DACH1: variants seen among roughly 807,000 people sequenced by gnomAD.
The protein encoded by DACH1 is dachshund homolog 1.
A neutral mutation model predicts 54.2 loss-of-function variants in DACH1; 12 were observed. The ratio of observed to expected loss-of-function variants is 0.22; its 90% CI spans 0.14 to 0.36. DACH1 has a LOEUF of 0.36. Ranked by LOEUF, DACH1 falls within the 10% of genes least tolerant of loss-of-function variation. The probability of loss-of-function intolerance (pLI) is 1.00; values close to 1 mark genes in which losing one functional copy is unlikely to be tolerated. For synonymous variants in DACH1, 386 were observed against 366.2 expected (o/e 1.05, Z -0.62); for missense variants, 805 against 929.8 (o/e 0.87, Z 1.75).
intron 1 of DACH1, among the ~76,000 whole-genome samples, chr13:71,775,741 G>A (rs1219564159): frequency 1.3e-5 from 2 of 152,038 alleles, no homozygotes; most frequent in East Asian, 3.9e-4. Context: ...AAACAGAACT[G>A]AATTTAAATT....
chr13:71,500,737 T>C (rs1879843305), intron 6 of DACH1, among the ~76,000 whole-genome samples: 1 of 152,158 alleles, frequency 6.6e-6, no homozygotes, highest in African/African-American at 2.4e-5. Flanking sequence ...AATGATTCCA[T>C]GAATATGGCC....
At chr13:71,586,114 A>G (rs942102107) in intron 3 of DACH1, among the ~76,000 whole-genome samples, 5 of 152,118 alleles carry the variant, frequency 3.3e-5, no homozygotes, top group Non-Finnish European at 5.9e-5. Flanking sequence ...AACTATCTGT[A>G]TCATGTTTGG....
chr13:71,646,640 T>G (rs1222468638), intron 2 of DACH1, among the ~76,000 whole-genome samples: 2 of 152,208 alleles, frequency 1.3e-5, no homozygotes, highest in Non-Finnish European at 2.9e-5. Context: ...AACTTCAATT[T>G]GTTCAAAAAC....
intron 1 of DACH1, among the ~76,000 whole-genome samples, chr13:71,700,603 AGAG>A (rs1882084973): frequency 7.7e-6 from 1 of 129,726 alleles, no homozygotes; most frequent in Non-Finnish European, 1.7e-5. Flanking sequence ...AGAGAGAGAG[AGAG>A]CAAGCTTAGT....
intron 1 of DACH1, among the ~76,000 whole-genome samples, chr13:71,842,012 A>G (rs972547856): frequency 6.6e-6 from 1 of 152,180 alleles, no homozygotes; most frequent in Non-Finnish European, 1.5e-5. Context: ...CTGAAGCTCA[A>G]ATGGGTTATA....
intron 10 of DACH1, among the ~76,000 whole-genome samples, chr13:71,470,840 A>G (rs1390152460): frequency 1.3e-5 from 2 of 152,172 alleles, no homozygotes; most frequent in Non-Finnish European, 2.9e-5. Context: ...TGAACAAAAC[A>G]TGCATGGTTT....
intron 10 of DACH1, among the ~76,000 whole-genome samples, chr13:71,455,604 T>A (rs1875492678): frequency 6.6e-6 from 1 of 152,118 alleles, no homozygotes. Flanking sequence ...CGTAACTAGA[T>A]GGACTGCGAC....
chr13:71,478,992 A>G (rs937145135), intron 8 of DACH1, among the ~76,000 whole-genome samples, 177 bp downstream of exon 8: 2 of 152,230 alleles, frequency 1.3e-5, no homozygotes, highest in Non-Finnish European at 2.9e-5. Flanking sequence ...ACAGAAAAGA[A>G]AACATGTACT....
chr13:71,476,577 T>A (rs889017637), intron 8 of DACH1, among the ~76,000 whole-genome samples: 8 of 152,080 alleles, frequency 5.3e-5, no homozygotes, highest in Non-Finnish European at 1.2e-4. Context: ...TGAACCCCCA[T>A]TGCTAATAAT....
intron 1 of DACH1, among the ~76,000 whole-genome samples, chr13:71,859,413 T>C (rs902489416): frequency 2.0e-5 from 3 of 151,840 alleles, no homozygotes; most frequent in African/African-American, 7.2e-5. Context: ...TTATATGTGA[T>C]GTGACATATA....
At chr13:71,497,868 A>G in intron 6 of DACH1, among the ~76,000 whole-genome samples, 1 of 5,186 alleles carries the variant, frequency 1.9e-4, no homozygotes, top group East Asian at 0.021. Context: ...TGACACACAC[A>G]CACACACACA....
In DACH1 at chr13:71,788,956, T is replaced by C. The variant is rs183045858; in HGVS notation, c.848+76966A>G. Among the ~76,000 whole-genome samples the C allele has an allele frequency of 4.5e-3, 680 of 152,236 alleles. 5 individuals are homozygous for C. The highest frequency in any genetic ancestry group is 0.015 in the African/African-American group (611 of 41,556). On this transcript the variant is annotated intron_variant, in intron 1 of 10. Coordinates refer to ENST00000613252, the MANE Select transcript of DACH1 (RefSeq NM_080759.6). ...TTATTCTCCAGAAATCAAATCAGTG[T>C]TGACAAATATGATACCAAGTTCTGT...
chr13:71,461,431 T>TA (rs1164497374), intron 10 of DACH1, among the ~76,000 whole-genome samples: 4 of 152,132 alleles, frequency 2.6e-5, no homozygotes, highest in East Asian at 1.9e-4. Context: ...TCAGAGGTTT[T>TA]AAAAAATCTC....
chr13:71,574,521 G>T (rs769961057), intron 3 of DACH1, among the ~76,000 whole-genome samples: 3 of 151,886 alleles, frequency 2.0e-5, no homozygotes, highest in Non-Finnish European at 2.9e-5. Flanking sequence ...AAATCTCTAC[G>T]ACATAGTTTT....
At chr13:71,499,085 T>G (rs1199610219) in intron 6 of DACH1, among the ~76,000 whole-genome samples, 1 of 150,164 alleles carries the variant, frequency 6.7e-6, no homozygotes, top group Non-Finnish European at 1.5e-5. Context: ...GCACCAAGCA[T>G]TAAACACACA....
At chr13:71,540,134 T>C (rs1210084573) in intron 6 of DACH1, among the ~76,000 whole-genome samples, 2 of 152,040 alleles carry the variant, frequency 1.3e-5, no homozygotes, top group East Asian at 3.9e-4. Context: ...ATGTTTCCAA[T>C]TAGATTCAGT....
intron 6 of DACH1, among the ~76,000 whole-genome samples, chr13:71,516,897 CAT>C (rs1881200760): frequency 7.1e-6 from 1 of 140,708 alleles, no homozygotes; most frequent in African/African-American, 2.6e-5. Context: ...CTCATATATA[CAT>C]ATATATATGC....
intron 6 of DACH1, among the ~76,000 whole-genome samples, chr13:71,506,593 G>A (rs529517088): frequency 6.6e-5 from 10 of 151,992 alleles, no homozygotes; most frequent in East Asian, 1.9e-4. Context: ...AGCCCGCATC[G>A]CCAAGTCAAT....
intron 1 of DACH1, among the ~76,000 whole-genome samples, chr13:71,765,949 C>G (rs1263989943): frequency 4.1e-5 from 6 of 147,424 alleles, no homozygotes; most frequent in Non-Finnish European, 7.4e-5. Context: ...TGCAGTGGCG[C>G]GATCTCTGCT....
Sources: allele counts gnomAD v4.1 joint callset (sites outside exome capture counted in the v4.1 genomes callset), GRCh38; gene constraint gnomAD v4.1.1; transcripts MANE v1.5; gene names NCBI Gene and HGNC (gene_info 2026-07-23, HGNC 2026-07-21).